The following GRB10 variants were observed in gnomAD, a reference collection of about 807,000 sequenced individuals.
GRB10 encodes growth factor receptor-bound protein 10.
In GRB10, 20 loss-of-function variants were observed where a neutral mutation model predicts 80.9. The observed-to-expected ratio is 0.25, with a 90% CI of 0.17 to 0.36. The LOEUF (loss-of-function observed/expected upper bound fraction) is 0.36. GRB10 is among the 10% of genes least tolerant of loss of function. GRB10 has a pLI of 1.00. For synonymous variants in GRB10, 291 were observed against 291.5 expected (o/e 1.00, Z 0.02); for missense variants, 548 against 747.7 (o/e 0.73, Z 3.12).
chr7:50,644,838 A>G (rs538572814), intron 7 of GRB10, among the ~76,000 whole-genome samples: 3 of 152,362 alleles, frequency 2.0e-5, no homozygotes, highest in East Asian at 3.9e-4. Flanking sequence ...CTAGACAGAC[A>G]GAACAATGAC....
At chr7:50,699,253 T>G (rs2063833179) in intron 5 of GRB10, among the ~76,000 whole-genome samples, 1 of 152,216 alleles carries the variant, frequency 6.6e-6, no homozygotes, top group African/African-American at 2.4e-5. Flanking sequence ...ATGTTTACAT[T>G]TTAGTTTCTT....
intron 3 of GRB10, among the ~76,000 whole-genome samples, chr7:50,737,595 T>C (rs1399343068): frequency 6.6e-6 from 1 of 152,240 alleles, no homozygotes; most frequent in Admixed American, 6.5e-5. Flanking sequence ...ACACCTGTAA[T>C]CCCAACACTT....
chr7:50,740,262 G>A (rs990732872), intron 3 of GRB10, among the ~76,000 whole-genome samples: 13 of 152,064 alleles, frequency 8.5e-5, no homozygotes, highest in African/African-American at 2.9e-4. Context: ...CTAGCTCATC[G>A]CCCTGGTGTA....
At chr7:50,726,656 A>T (rs2068702340) in intron 4 of GRB10, among the ~76,000 whole-genome samples, 2 of 152,152 alleles carry the variant, frequency 1.3e-5, no homozygotes, top group Non-Finnish European at 2.9e-5. Flanking sequence ...AAAAATGCAA[A>T]CACCTTACGA....
intron 4 of GRB10, among the ~76,000 whole-genome samples, chr7:50,721,948 C>A (rs557675241): frequency 6.6e-6 from 1 of 152,212 alleles, no homozygotes; most frequent in Non-Finnish European, 1.5e-5. Context: ...AAGAAGACAG[C>A]GCGTGGAGCG....
chr7:50,670,360 G>GT (rs1166420674), intron 6 of GRB10, among the ~76,000 whole-genome samples: 2 of 152,100 alleles, frequency 1.3e-5, no homozygotes, highest in Non-Finnish European at 2.9e-5. Context: ...TACAACCATT[G>GT]TGAGTGTGCA....
At chr7:50,731,092 A>G (rs796734985) in intron 4 of GRB10, among the ~76,000 whole-genome samples, 5 of 152,284 alleles carry the variant, frequency 3.3e-5, no homozygotes, top group African/African-American at 1.2e-4. Flanking sequence ...TTTAAGAACA[A>G]GAAGACAATT....
intron 4 of GRB10, among the ~76,000 whole-genome samples, chr7:50,727,389 T>C (rs965887495): frequency 1.1e-4 from 16 of 152,328 alleles, no homozygotes; most frequent in African/African-American, 3.6e-4. Flanking sequence ...AGGGTTGACA[T>C]CTTGTTCACC....
chr7:50,733,926 A>G (rs1563646311), intron 3 of GRB10, among the ~76,000 whole-genome samples: 1 of 152,252 alleles, frequency 6.6e-6, no homozygotes, highest in Non-Finnish European at 1.5e-5. Flanking sequence ...GATTTCCTAG[A>G]GAAACAAGAA....
At chr7:50,705,825 G>A (rs1347253463) in intron 4 of GRB10, among the ~76,000 whole-genome samples, 1 of 152,194 alleles carries the variant, frequency 6.6e-6, no homozygotes, top group Non-Finnish European at 1.5e-5. Context: ...AAGAAAGAGG[G>A]GAAAGACAGT....
chr7:50,615,102 A>G (rs1040021853), intron 11 of GRB10, among the ~76,000 whole-genome samples: 1 of 152,186 alleles, frequency 6.6e-6, no homozygotes, highest in Non-Finnish European at 1.5e-5. Flanking sequence ...TCAGACACAC[A>G]AGGCTGTTGG....
intron 1 of GRB10, among the ~76,000 whole-genome samples, chr7:50,792,214 G>C (rs1201093676): frequency 6.6e-6 from 1 of 152,114 alleles, no homozygotes; most frequent in Non-Finnish European, 1.5e-5. Flanking sequence ...TTACTCACGA[G>C]CTCTCCTTGT....
At chr7:50,613,179 A>T (rs1317108796) in intron 12 of GRB10, among the ~76,000 whole-genome samples, 1 of 152,178 alleles carries the variant, frequency 6.6e-6, no homozygotes, top group Admixed American at 6.5e-5. Context: ...AGAGGCATCT[A>T]ACTCTGTCGA....
At position 50,718,149 on chromosome 7, in the gene GRB10, CAGGA is replaced by C. The variant is rs533225923; in HGVS notation, c.51+14119_51+14122del. On this transcript the variant is annotated intron_variant, in intron 4 of 18. Coordinates refer to ENST00000401949, the MANE Select transcript of GRB10 (RefSeq NM_001350814.2). ...CGGAGGCTTGCGGAACTGTGTCCAG[CAGGA>C]AGGAAGAAAGGGAAGGGGATCCAAG... Among the ~76,000 whole-genome samples the C allele has an allele frequency of 7.9e-5, 12 of 152,282 alleles. No homozygotes were observed. The South Asian group carries it at 2.5e-3, about 32-fold the overall frequency.
chr7:50,749,107 T>TTTTTG (rs1197982828), intron 3 of GRB10, among the ~76,000 whole-genome samples: 1 of 140,214 alleles, frequency 7.1e-6, no homozygotes, highest in African/African-American at 2.5e-5. Context: ...ATGTTGGGTT[T>TTTTTG]TTTTGTTTTG....
intron 4 of GRB10, among the ~76,000 whole-genome samples, chr7:50,714,839 T>G (rs112496227): frequency 4.7e-4 from 71 of 152,142 alleles, no homozygotes; most frequent in South Asian, 1.0e-3. Flanking sequence ...CCAAACCATG[T>G]GCGGCTGTGA....
intron 2 of GRB10, among the ~76,000 whole-genome samples, chr7:50,760,406 G>A (rs977199055): frequency 6.6e-6 from 1 of 151,982 alleles, no homozygotes; most frequent in Non-Finnish European, 1.5e-5. Context: ...GTTCCTAAAT[G>A]GAAAGATTAA....
intron 2 of GRB10, among the ~76,000 whole-genome samples, chr7:50,769,725 G>A (rs1056666784): frequency 6.6e-6 from 1 of 152,062 alleles, no homozygotes; most frequent in Non-Finnish European, 1.5e-5. Context: ...GCCTGCAACA[G>A]CAGTGGGGAG....
chr7:50,620,104 C>A (rs1288287279), intron 8 of GRB10, among the ~76,000 whole-genome samples: 2 of 152,214 alleles, frequency 1.3e-5, no homozygotes, highest in African/African-American at 4.8e-5. Context: ...GCACTGCTCC[C>A]TTTCATGGCA....
Sources: allele counts gnomAD v4.1 joint callset (sites outside exome capture counted in the v4.1 genomes callset), GRCh38; gene constraint gnomAD v4.1.1; transcripts MANE v1.5; gene names NCBI Gene and HGNC (gene_info 2026-07-23, HGNC 2026-07-21).